API5: variants seen among roughly 807,000 people sequenced by gnomAD.
API5 encodes apoptosis inhibitor 5.
In API5, 6 loss-of-function variants were observed where a neutral mutation model predicts 71.9. The observed-to-expected ratio is 0.08, with a 90% CI of 0.05 to 0.16. The LOEUF is 0.16. Ranked by LOEUF, API5 falls within the 10% of genes least tolerant of loss-of-function variation. The probability of loss-of-function intolerance (pLI) is 1.00; values close to 1 mark genes in which losing one functional copy is unlikely to be tolerated. For synonymous variants in API5, 189 were observed against 221.3 expected (o/e 0.85, Z 1.30); for missense variants, 332 against 612.8 (o/e 0.54, Z 4.84).
At chr11:43,324,308 A>G (rs1257974513) in intron 6 of API5, among the ~76,000 whole-genome samples, 2 of 152,002 alleles carry the variant, frequency 1.3e-5, no homozygotes, top group Non-Finnish European at 2.9e-5. Flanking sequence ...GTGAGCCACC[A>G]TGAGTGGCCA....
chr11:43,332,634 C>T (rs1388274539), intron 11 of API5, among the ~76,000 whole-genome samples: 3 of 152,040 alleles, frequency 2.0e-5, no homozygotes, highest in Non-Finnish European at 2.9e-5. Context: ...TCTCCCAGCA[C>T]GTGGGTGTGT....
intron 13 of API5, among the ~76,000 whole-genome samples, chr11:43,337,888 G>A (rs1855487397): frequency 1.3e-5 from 2 of 152,160 alleles, no homozygotes; most frequent in South Asian, 4.1e-4. Flanking sequence ...CTGCTCAATA[G>A]TGAGAATCAG....
At chr11:43,340,569 T>G (rs954014205) in intron 13 of API5, among the ~76,000 whole-genome samples, 4 of 152,080 alleles carry the variant, frequency 2.6e-5, no homozygotes, top group Non-Finnish European at 5.9e-5. Flanking sequence ...AGCCTGATAC[T>G]GGCATAAAAA....
rs1855152954 is a variant in API5 at position 43,328,706 on chromosome 11, T to C, written c.946-6T>C. 1 of 1,612,240 alleles carries C rather than the reference T, an allele frequency of 6.2e-7. No homozygotes were observed. The highest frequency in any genetic ancestry group is 1.1e-5 in the South Asian group (1 of 90,986). On this transcript the variant is annotated splice_polypyrimidine_tract_variant and splice_region_variant and intron_variant, in intron 8 of 13. Transcript: ENST00000531273. ...ATTGCAAAATCTGTATATTTTTCTC[T>C]CTTAGGAATACATGCCCCTCCCTCC...
chr11:43,330,410 T>G lies in API5; in HGVS notation c.1222-98T>G, dbSNP rs981121410. On this transcript the variant is annotated intron_variant, in intron 10 of 13. Transcript: ENST00000531273. ...AATTCTGTAAAGACTGTAGAGGTGA[T>G]TCTGATAGAAGTGTAATTACTCTAG... 3 of 898,920 alleles carry G rather than the reference T, an allele frequency of 3.3e-6. No homozygotes were observed. In the African/African-American group the frequency reaches 5.0e-5, roughly 15 times the overall value. The allele number at this position is 898,920 out of a possible 1,614,324, so 55.7% of individuals were successfully genotyped here. A position where few individuals can be genotyped will look rare whatever the true frequency, so the allele number is the denominator to read the frequency against.
At chr11:43,339,801 A>G (rs1855553881) in intron 13 of API5, among the ~76,000 whole-genome samples, 1 of 152,202 alleles carries the variant, frequency 6.6e-6, no homozygotes, top group South Asian at 2.1e-4. Context: ...ATTGCATTCA[A>G]AGGGACATTT....
intron 1 of API5, among the ~76,000 whole-genome samples, chr11:43,317,887 G>A (rs754097802): frequency 2.2e-4 from 33 of 152,106 alleles, no homozygotes; most frequent in Non-Finnish European, 3.8e-4. Flanking sequence ...ATGTTGGGCA[G>A]GCTGGTCTGG....
chr11:43,323,912 A>T (rs545369007), intron 6 of API5, among the ~76,000 whole-genome samples: 2 of 152,316 alleles, frequency 1.3e-5, no homozygotes, highest in African/African-American at 2.4e-5. Context: ...ATTTTGAAGC[A>T]TTTCAGATTT....
At chr11:43,324,783 T>TA (rs1855012017) in intron 6 of API5, among the ~76,000 whole-genome samples, 1 of 152,074 alleles carries the variant, frequency 6.6e-6, no homozygotes, top group African/African-American at 2.4e-5. Flanking sequence ...ATTCAAGCAA[T>TA]TCTCGTGCCT....
chr11:43,330,394 A>G, intron 10 of API5, 114 bp from the exon 11 acceptor site: 3 of 815,998 alleles, frequency 3.7e-6, no homozygotes, highest in Non-Finnish European at 6.2e-6. Flanking sequence ...GAATTCTGTA[A>G]AGACTGTAGA....
In API5 at chr11:43,330,574, TA is replaced by T; in HGVS notation, c.1278+12del. On this transcript the variant is annotated intron_variant, in intron 11 of 13. Coordinates refer to ENST00000531273, the MANE Select transcript of API5 (RefSeq NM_001142930.2). ...CAATGTTTTAATCAAGGTAAGTCTG[TA>T]ATACCAAGTGACATTTCTGCAGTTA... 1 of 1,554,762 alleles carries T rather than the reference TA, an allele frequency of 6.4e-7. No homozygotes were observed. The highest frequency in any genetic ancestry group is 8.9e-7 in the Non-Finnish European group (1 of 1,129,172).
chr11:43,312,030 G>A lies in API5; in HGVS notation c.-98G>A. Reference sequence around the variant, plus strand: ...GGCTGCACTGGCGGCAGCTGGAGGTGTAATAGTGCGGGTAGTGGGTTTGGA... The same window carrying A: ...GGCTGCACTGGCGGCAGCTGGAGGTATAATAGTGCGGGTAGTGGGTTTGGA... On this transcript the variant is annotated 5_prime_UTR_variant, in exon 1 of 14. Coordinates refer to ENST00000531273, the MANE Select transcript of API5 (RefSeq NM_001142930.2). 6 of 1,372,026 alleles carry A rather than the reference G, an allele frequency of 4.4e-6. No homozygotes were observed. The highest frequency in any genetic ancestry group is 2.4e-5 in the East Asian group (1 of 41,356). The allele number at this position is 1,372,026 out of a possible 1,614,324, so 85.0% of individuals were successfully genotyped here.
intron 13 of API5, among the ~76,000 whole-genome samples, chr11:43,340,627 G>T (rs550822935): frequency 6.6e-6 from 1 of 151,696 alleles, no homozygotes; most frequent in Non-Finnish European, 1.5e-5. Context: ...ATTAATCCAC[G>T]TATCTACAGC....
At chr11:43,321,928 GAA>G in intron 4 of API5, 55 bp from the exon 5 acceptor site, 2 of 1,483,144 alleles carry the variant, frequency 1.3e-6, no homozygotes, top group Middle Eastern at 2.5e-4. Context: ...AGTTAAATGG[GAA>G]AACACCATTA....
At chr11:43,322,810 A>G (rs1281569614) in intron 5 of API5, among the ~76,000 whole-genome samples, 2 of 152,210 alleles carry the variant, frequency 1.3e-5, no homozygotes, top group African/African-American at 2.4e-5. Flanking sequence ...GTGAGAAAAA[A>G]GTAGATCTTT....
At chr11:43,326,663 A>C in intron 7 of API5, 52 bp downstream of exon 7, 1 of 1,032,990 alleles carries the variant, frequency 9.7e-7, no homozygotes, top group Non-Finnish European at 1.5e-6. Context: ...ATATTTTAAC[A>C]AAAATGTAAA....
Position 43,342,580 on chromosome 11 carries a change from C to T in API5, c.*70C>T, listed in dbSNP as rs778419727. On this transcript the variant is annotated 3_prime_UTR_variant, in exon 14 of 14. Coordinates refer to ENST00000531273, the MANE Select transcript of API5 (RefSeq NM_001142930.2). ...TTAAATTCTACTACTCATTGGATTG[C>T]CGGGGATGTCCCTTTAAACAGACTG... is the stretch of plus-strand genomic sequence containing the variant. The T allele has an allele frequency of 9.6e-5, 144 of 1,493,498 alleles. No individual in the cohort carries two copies. Among genetic ancestry groups the T allele is most frequent in the Non-Finnish European group, 1.3e-4 (139 of 1,078,028 alleles). 92.5% of individuals were successfully genotyped at this position (1,493,498 alleles called of 1,614,324 possible). A position where few individuals can be genotyped will look rare whatever the true frequency, so the allele number is the denominator to read the frequency against.
chr11:43,312,856 C>G (rs1221307836), intron 1 of API5, among the ~76,000 whole-genome samples: 1 of 152,064 alleles, frequency 6.6e-6, no homozygotes, highest in Non-Finnish European at 1.5e-5. Context: ...CGCCTGTAAT[C>G]CGAGCACTTT....
rs757010245 is a variant in API5, at chr11:43,312,084, C to G, written c.-44C>G. 1.6e-5 allele frequency: 25 copies of G among 1,607,192 alleles called. 1 individual carries two copies. The South Asian group carries it at 2.0e-4, about 13-fold the overall frequency. On this transcript the variant is annotated 5_prime_UTR_variant, in exon 1 of 14. Coordinates refer to ENST00000531273, the MANE Select transcript of API5 (RefSeq NM_001142930.2). Reference sequence around the variant, plus strand: ...GTTCCGAGGCGGCGGTGGCGCCGGTCAGGACAAGGATAGCGGAACCGGGCC... The same window carrying G: ...GTTCCGAGGCGGCGGTGGCGCCGGTGAGGACAAGGATAGCGGAACCGGGCC...
Sources: gnomAD v4.1 joint callset for allele counts (sites outside exome capture counted in the v4.1 genomes callset) on GRCh38, gnomAD v4.1.1 for gene constraint, MANE v1.5 for transcripts, NCBI Gene and HGNC (gene_info 2026-07-23, HGNC 2026-07-21) for gene names.